Variants in KIAA1549L observed in about 807,000 individuals in gnomAD.
KIAA1549L encodes the protein KIAA1549 like.
A neutral mutation model predicts 160.7 loss-of-function variants in KIAA1549L; 88 were observed. That is an observed-to-expected ratio of 0.55 (90% CI 0.46 to 0.65). The LOEUF (loss-of-function observed/expected upper bound fraction) is 0.65. Ranked by LOEUF, KIAA1549L falls within the 30% of genes least tolerant of loss-of-function variation. KIAA1549L has a pLI of 0.00. For missense variants in KIAA1549L, 2,258 were observed against 2,437.5 expected, an observed-to-expected ratio of 0.93 and a Z score of 1.55; for synonymous variants, 950 against 976.7, an observed-to-expected ratio of 0.97 and a Z score of 0.51.
intron 16 of KIAA1549L, among the ~76,000 whole-genome samples, chr11:33,630,416 G>A (rs1031042626): frequency 6.6e-6 from 1 of 152,272 alleles, no homozygotes; most frequent in Non-Finnish European, 1.5e-5. Flanking sequence ...AGACTGCTGT[G>A]CTAGCAATCA....
At chr11:33,483,037 C>T (rs1371112481) in intron 1 of KIAA1549L, among the ~76,000 whole-genome samples, 2 of 152,104 alleles carry the variant, frequency 1.3e-5, no homozygotes, top group Admixed American at 6.6e-5. Flanking sequence ...TCCTTTCTCC[C>T]TGCATCCTCC....
chr11:33,596,415 A>G (rs1850201235), intron 12 of KIAA1549L, among the ~76,000 whole-genome samples: 1 of 152,110 alleles, frequency 6.6e-6, no homozygotes, highest in Admixed American at 6.5e-5. Flanking sequence ...TTCAGGATCA[A>G]ATGAGGGAAA....
chr11:33,648,677 T>G (rs1022788763), intron 17 of KIAA1549L, among the ~76,000 whole-genome samples: 1 of 151,618 alleles, frequency 6.6e-6, no homozygotes, highest in Non-Finnish European at 1.5e-5. Flanking sequence ...CTTGATCATA[T>G]TTTACCCGTT....
intron 1 of KIAA1549L, among the ~76,000 whole-genome samples, chr11:33,533,472 G>C (rs962859264): frequency 1.3e-5 from 2 of 152,162 alleles, no homozygotes; most frequent in Non-Finnish European, 2.9e-5. Context: ...GATGCGTTTA[G>C]TTCAAGGCTA....
chr11:33,404,271 TC>T (rs1051584477), intron 1 of KIAA1549L, among the ~76,000 whole-genome samples: 2 of 152,182 alleles, frequency 1.3e-5, no homozygotes, highest in Non-Finnish European at 2.9e-5. Flanking sequence ...ATGTCTTTAA[TC>T]CCAGCACTTT....
At chr11:33,629,559 CT>C (rs1851217218) in intron 16 of KIAA1549L, among the ~76,000 whole-genome samples, 1 of 151,930 alleles carries the variant, frequency 6.6e-6, no homozygotes, top group South Asian at 2.1e-4. Context: ...CGCTGATACC[CT>C]TTCTTCCAGT....
chr11:33,645,036 G>A (rs969708495), intron 16 of KIAA1549L, among the ~76,000 whole-genome samples: 6 of 152,242 alleles, frequency 3.9e-5, no homozygotes, highest in Non-Finnish European at 7.3e-5. Context: ...GGAATGAAAG[G>A]TTCAGTGAAG....
At position 33,376,659 on chromosome 11, in the gene KIAA1549L, C is replaced by G. The variant is rs1407926735; in HGVS notation, c.8C>G (p.Pro3Arg). ...GATGTGTGAAGCGTCCCCATGGCTCCGCAGGAGGCCAAGCCTCAGGGCTCA... is the reference window on the plus strand; with the variant it reads ...GATGTGTGAAGCGTCCCCATGGCTCGGCAGGAGGCCAAGCCTCAGGGCTCA... Reference protein sequence around the residue: MAPQEAKPQGSRE... With the variant: MARQEAKPQGSRE... Residue 3 changes from proline (P) to arginine (R), a missense_variant, in exon 1 of 21, where the codon CCG becomes CGG. Coordinates refer to ENST00000658780, the MANE Select transcript of KIAA1549L (RefSeq NM_012194.3). The surrounding 1 kb of genome is among the most constrained non-coding windows in gnomAD (Gnocchi z 5.8). 1 of 150,298 alleles carries G rather than the reference C, an allele frequency of 6.7e-6. No individual in the cohort carries two copies. Among genetic ancestry groups the G allele is most frequent in the Non-Finnish European group, 1.5e-5 (1 of 67,342 alleles). The allele number at this position is 150,298 out of a possible 1,614,324, so 9.3% of individuals were successfully genotyped here.
chr11:33,381,864 G>T (rs1435638921), intron 1 of KIAA1549L, among the ~76,000 whole-genome samples: 1 of 152,196 alleles, frequency 6.6e-6, no homozygotes, highest in African/African-American at 2.4e-5. Flanking sequence ...AGGAGAGAAA[G>T]AGAGGAATTG....
At chr11:33,541,203 CTTCCTGGTTT>C (rs1398907024) in intron 1 of KIAA1549L, among the ~76,000 whole-genome samples, 1 of 152,132 alleles carries the variant, frequency 6.6e-6, no homozygotes, top group Non-Finnish European at 1.5e-5. Context: ...GAAGTGTCTC[CTTCCTGGTTT>C]TTCTTTCTGA....
At chr11:33,491,271 C>T (rs138545303) in intron 1 of KIAA1549L, among the ~76,000 whole-genome samples, 25 of 152,248 alleles carry the variant, frequency 1.6e-4, no homozygotes, top group African/African-American at 4.3e-4. Context: ...ATGTGAAAAC[C>T]GTGCTGGCTA....
intron 1 of KIAA1549L, among the ~76,000 whole-genome samples, chr11:33,390,192 G>T (rs1256942558): frequency 6.6e-6 from 1 of 152,132 alleles, no homozygotes; most frequent in African/African-American, 2.4e-5. Context: ...CAGTTAACTG[G>T]CAGAGTAGAG....
At chr11:33,442,785 A>G (rs1851535993) in intron 1 of KIAA1549L, among the ~76,000 whole-genome samples, 2 of 152,138 alleles carry the variant, frequency 1.3e-5, no homozygotes, top group South Asian at 4.1e-4. Context: ...CCTTCTGGAA[A>G]TCTGGCTAGA....
intron 1 of KIAA1549L, among the ~76,000 whole-genome samples, chr11:33,536,006 G>T (rs571248606): frequency 6.6e-6 from 1 of 152,102 alleles, no homozygotes; most frequent in Non-Finnish European, 1.5e-5. Flanking sequence ...CCTAATTAGC[G>T]TAGACATAAT....
At chr11:33,385,532 TTGAG>T (rs1483049423) in intron 1 of KIAA1549L, among the ~76,000 whole-genome samples, 1 of 152,240 alleles carries the variant, frequency 6.6e-6, no homozygotes, top group East Asian at 1.9e-4. Context: ...TTGACCGTGA[TTGAG>T]TTTCACTGCT....
chr11:33,541,100 C>A (rs908583983), intron 1 of KIAA1549L, among the ~76,000 whole-genome samples: 1 of 152,202 alleles, frequency 6.6e-6, no homozygotes, highest in African/African-American at 2.4e-5. Flanking sequence ...CCAGCTTATG[C>A]CCTGCCTCCT....
intron 1 of KIAA1549L, among the ~76,000 whole-genome samples, chr11:33,528,688 A>T (rs898015668): frequency 2.0e-5 from 3 of 152,228 alleles, no homozygotes; most frequent in African/African-American, 7.2e-5. Context: ...AGCAACCTGG[A>T]TGGAGCTGGA....
chr11:33,654,940 G>T (rs981761815), intron 17 of KIAA1549L, among the ~76,000 whole-genome samples: 8 of 152,170 alleles, frequency 5.3e-5, no homozygotes, highest in Non-Finnish European at 1.0e-4. Context: ...AATCCTGTTT[G>T]TGGATCCCCT....
At chr11:33,384,591 C>G (rs1254544776) in intron 1 of KIAA1549L, among the ~76,000 whole-genome samples, 1 of 152,226 alleles carries the variant, frequency 6.6e-6, no homozygotes, top group Non-Finnish European at 1.5e-5. Flanking sequence ...CCTCTGTATC[C>G]TCACTGGCAT....
Sources: allele counts gnomAD v4.1 joint callset (sites outside exome capture counted in the v4.1 genomes callset), GRCh38; gene constraint gnomAD v4.1.1; non-coding constraint Gnocchi (gnomAD v3.1); transcripts MANE v1.5; gene names NCBI Gene and HGNC (gene_info 2026-07-23, HGNC 2026-07-21).